YEATS4: variants seen among roughly 807,000 people sequenced by gnomAD.
The protein encoded by YEATS4 is YEATS domain containing 4.
YEATS4 carries 17 observed loss-of-function variants against 30.1 expected under a neutral mutation model. The ratio of observed to expected loss-of-function variants is 0.56; its 90% CI spans 0.39 to 0.85. The LOEUF (loss-of-function observed/expected upper bound fraction) is 0.85, where lower values mean the gene tolerates loss of function less well. Ranked by LOEUF, YEATS4 falls within the 40% of genes least tolerant of loss-of-function variation. The probability of loss-of-function intolerance (pLI) is 0.00; values close to 1 mark genes in which losing one functional copy is unlikely to be tolerated. For synonymous variants in YEATS4, 85 were observed against 87.5 expected (o/e 0.97, Z 0.16); for missense variants, 142 against 268.3 (o/e 0.53, Z 3.29).
the YEATS4 span, among the ~76,000 whole-genome samples, chr12:69,420,836 C>A: frequency 6.6e-6 from 1 of 152,184 alleles, no homozygotes; most frequent in African/African-American, 2.4e-5. Context: ...CCAGTGCTCA[C>A]CAATCTACTT....
chr12:69,403,754 A>G, the YEATS4 span, among the ~76,000 whole-genome samples: 52 of 152,240 alleles, frequency 3.4e-4, no homozygotes, highest in Admixed American at 3.2e-3. Context: ...GTGCATTGCA[A>G]TTTGGCTTCT....
At chr12:69,419,178 G>T in the YEATS4 span, among the ~76,000 whole-genome samples, 1 of 139,986 alleles carries the variant, frequency 7.1e-6, no homozygotes, top group African/African-American at 2.7e-5. Context: ...TTCTCCCTAT[G>T]CTTTGTATAT....
At chr12:69,368,075 A>T (rs1875504420) in intron 4 of YEATS4, among the ~76,000 whole-genome samples, 1 of 152,228 alleles carries the variant, frequency 6.6e-6, no homozygotes, top group South Asian at 2.1e-4. Flanking sequence ...ATTCCCATAT[A>T]GATTTACATA....
At chr12:69,385,507 T>C (rs1876240139) in intron 6 of YEATS4, among the ~76,000 whole-genome samples, 1 of 152,168 alleles carries the variant, frequency 6.6e-6, no homozygotes, top group South Asian at 2.1e-4. Context: ...TAAACTCACT[T>C]AATTCTATAA....
At chr12:69,391,818 C>T (rs903581190), downstream of YEATS4, among the ~76,000 whole-genome samples, 2 of 152,176 alleles carry the variant, frequency 1.3e-5, no homozygotes, top group Non-Finnish European at 2.9e-5. Flanking sequence ...CCCCATTCTA[C>T]TTGAGGAGTT....
At chr12:69,392,222 A>G (rs1289626479), downstream of YEATS4, among the ~76,000 whole-genome samples, 4 of 152,210 alleles carry the variant, frequency 2.6e-5, no homozygotes. Flanking sequence ...ATAATTTTAA[A>G]CAAAATACCC....
At chr12:69,386,270 A>G (rs1294708051) in intron 6 of YEATS4, among the ~76,000 whole-genome samples, 1 of 152,212 alleles carries the variant, frequency 6.6e-6, no homozygotes, top group African/African-American at 2.4e-5. Context: ...GAATCAAACA[A>G]CAAATCTATG....
intron 6 of YEATS4, among the ~76,000 whole-genome samples, chr12:69,375,077 C>T (rs1875802375): frequency 6.7e-6 from 1 of 149,868 alleles, no homozygotes; most frequent in African/African-American, 2.5e-5. Flanking sequence ...GGGGCGGCTG[C>T]CGGGCGGAGA....
the YEATS4 span, among the ~76,000 whole-genome samples, chr12:69,406,616 A>G: frequency 1.3e-5 from 2 of 152,160 alleles, no homozygotes; most frequent in East Asian, 3.9e-4. Context: ...CTTATTGTTC[A>G]TCTGCATTTC....
intron 6 of YEATS4, among the ~76,000 whole-genome samples, chr12:69,384,429 A>G (rs1012109383): frequency 2.0e-5 from 3 of 152,234 alleles, no homozygotes; most frequent in African/African-American, 7.2e-5. Context: ...GTTTTTATCA[A>G]TAAATTAAGT....
chr12:69,382,373 T>TGAGATTATTC (rs1251546427), intron 6 of YEATS4, among the ~76,000 whole-genome samples: 1 of 152,176 alleles, frequency 6.6e-6, no homozygotes, highest in African/African-American at 2.4e-5. Context: ...ATCCTGGTGC[T>TGAGATTATTC]CTGTTTTACT....
Position 69,365,707 on chromosome 12 carries a change from A to C in YEATS4, c.238+8A>C. 1.9e-6 allele frequency: 3 copies of C among 1,609,188 alleles called. No individual in the cohort carries two copies. The Admixed American group carries it at 5.0e-5, about 27-fold the overall frequency. On this transcript the variant is annotated splice_region_variant and intron_variant, in intron 3 of 6. Transcript: ENST00000247843. Reference sequence around the variant, plus strand: ...ATGGCAATCCTTTAAGAGGTACAATATAGTCTTTTGATTCACAATATCCAA... The same window carrying C: ...ATGGCAATCCTTTAAGAGGTACAATCTAGTCTTTTGATTCACAATATCCAA...
chr12:69,384,379 T>A (rs940772952), intron 6 of YEATS4, among the ~76,000 whole-genome samples: 1 of 152,232 alleles, frequency 6.6e-6, no homozygotes, highest in African/African-American at 2.4e-5. Flanking sequence ...TCTGTTTCAA[T>A]GTGTTAAATC....
At chr12:69,394,617 G>GTGTGTGTT (rs140716023), downstream of YEATS4, among the ~76,000 whole-genome samples, 13 of 151,322 alleles carry the variant, frequency 8.6e-5, no homozygotes, top group African/African-American at 3.2e-4. Context: ...TGGAGATAGT[G>GTGTGTGTT]TGTTTGTTTG....
At chr12:69,382,332 C>T (rs1048138614) in intron 6 of YEATS4, among the ~76,000 whole-genome samples, 2 of 152,158 alleles carry the variant, frequency 1.3e-5, no homozygotes, top group African/African-American at 4.8e-5. Flanking sequence ...TGTCCAGGAG[C>T]CAGGGCCTGG....
At chr12:69,375,270 G>A (rs556066990) in intron 6 of YEATS4, among the ~76,000 whole-genome samples, 42 of 150,590 alleles carry the variant, frequency 2.8e-4, no homozygotes, top group Admixed American at 1.4e-3. Flanking sequence ...AGATGGGGTC[G>A]CGGCCGGGCA....
intron 2 of YEATS4, among the ~76,000 whole-genome samples, chr12:69,364,994 C>T (rs1875372486): frequency 6.6e-6 from 1 of 151,960 alleles, no homozygotes; most frequent in African/African-American, 2.4e-5. Context: ...CAGATATGTA[C>T]TGTTGTTTTA....
chr12:69,410,470 C>T, the YEATS4 span, among the ~76,000 whole-genome samples: 1 of 152,140 alleles, frequency 6.6e-6, no homozygotes, highest in Admixed American at 6.5e-5. Flanking sequence ...TAACATATTC[C>T]TATCATAGTT....
the YEATS4 span, among the ~76,000 whole-genome samples, chr12:69,411,572 A>C: frequency 6.6e-6 from 1 of 152,242 alleles, no homozygotes; most frequent in Non-Finnish European, 1.5e-5. Flanking sequence ...GTTAAGTTAG[A>C]AGGTGTTTCA....
Sources: gnomAD v4.1 joint callset for allele counts (sites outside exome capture counted in the v4.1 genomes callset) on GRCh38, gnomAD v4.1.1 for gene constraint, MANE v1.5 for transcripts, NCBI Gene and HGNC (gene_info 2026-07-23, HGNC 2026-07-21) for gene names.